Variants in PRKG1 observed in about 807,000 individuals in gnomAD.
The protein encoded by PRKG1 is protein kinase cGMP-dependent 1, also known as cGMP-dependent protein kinase 1.
PRKG1 carries 35 observed loss-of-function variants against 88.1 expected under a neutral mutation model. That is an observed-to-expected ratio of 0.40 (90% CI 0.30 to 0.53). The LOEUF (loss-of-function observed/expected upper bound fraction) is 0.53. PRKG1 is among the 20% of genes least tolerant of loss of function. PRKG1 has a pLI of 0.59. For missense variants in PRKG1, 540 were observed against 839.8 expected (o/e 0.64, Z 4.41); for synonymous variants, 303 against 292.5 (o/e 1.04, Z -0.37).
At chr10:51,980,598 T>C (rs577655232) in intron 5 of PRKG1, among the ~76,000 whole-genome samples, 48 of 152,302 alleles carry the variant, frequency 3.2e-4, no homozygotes, top group African/African-American at 1.1e-3. Context: ...TCTCCCATTG[T>C]TATTGTGTTG....
chr10:51,570,070 T>TGG (rs1837710951), intron 3 of PRKG1, among the ~76,000 whole-genome samples: 1 of 141,518 alleles, frequency 7.1e-6, no homozygotes, highest in African/African-American at 2.6e-5. Context: ...TATATATATG[T>TGG]GTGTGTGTGT....
At chr10:52,270,435 G>T (rs937402567) in intron 10 of PRKG1, among the ~76,000 whole-genome samples, 3 of 151,680 alleles carry the variant, frequency 2.0e-5, no homozygotes, top group Non-Finnish European at 2.9e-5. Flanking sequence ...GTTTATTGCG[G>T]CACTATTCAC....
chr10:51,135,446 T>C (rs1461671198), intron 1 of PRKG1, among the ~76,000 whole-genome samples: 1 of 152,168 alleles, frequency 6.6e-6, no homozygotes, highest in Non-Finnish European at 1.5e-5. Context: ...ATGATGGACT[T>C]ATTCAGGGGC....
chr10:52,164,488 T>G (rs1335693884), intron 9 of PRKG1, among the ~76,000 whole-genome samples: 1 of 152,182 alleles, frequency 6.6e-6, no homozygotes, highest in Non-Finnish European at 1.5e-5. Context: ...CAATTTTACT[T>G]GGACAAGAAG....
At chr10:51,458,500 A>G (rs1417037717) in intron 2 of PRKG1, among the ~76,000 whole-genome samples, 1 of 151,918 alleles carries the variant, frequency 6.6e-6, no homozygotes, top group Non-Finnish European at 1.5e-5. Flanking sequence ...TTATGCTAAT[A>G]TTAACAGAAA....
intron 2 of PRKG1, among the ~76,000 whole-genome samples, chr10:51,399,148 T>A (rs534969327): frequency 4.1e-4 from 63 of 151,912 alleles, no homozygotes; most frequent in African/African-American, 1.3e-3. Flanking sequence ...CATGTATAAA[T>A]AAGATACATA....
intron 5 of PRKG1, among the ~76,000 whole-genome samples, chr10:51,914,287 A>C (rs1204287061): frequency 1.8e-4 from 1 of 5,658 alleles, no homozygotes. Flanking sequence ...AGCAGCAAAT[A>C]AAAACTTTTT....
intron 5 of PRKG1, among the ~76,000 whole-genome samples, chr10:51,997,635 G>A (rs1228286114): frequency 2.0e-5 from 3 of 152,004 alleles, no homozygotes; most frequent in African/African-American, 4.8e-5. Flanking sequence ...TAGTTAGCTA[G>A]GTTTATTCAT....
chr10:51,251,408 G>A, intron 2 of PRKG1, among the ~76,000 whole-genome samples: 1 of 151,728 alleles, frequency 6.6e-6, no homozygotes, highest in East Asian at 1.9e-4. Flanking sequence ...CCACTTGGAA[G>A]GATATGTGTA....
At chr10:51,380,033 T>A (rs987666188) in intron 2 of PRKG1, among the ~76,000 whole-genome samples, 7 of 152,196 alleles carry the variant, frequency 4.6e-5, no homozygotes, top group Admixed American at 6.5e-5. Flanking sequence ...TGGCTCATTC[T>A]TCTCCACCAT....
At chr10:51,312,784 TC>T (rs1166415468) in intron 2 of PRKG1, among the ~76,000 whole-genome samples, 2 of 152,074 alleles carry the variant, frequency 1.3e-5, no homozygotes, top group African/African-American at 4.8e-5. Flanking sequence ...ATATACTATT[TC>T]CAGTCCCCAA....
chr10:51,389,214 C>T (rs1198876766), intron 2 of PRKG1, among the ~76,000 whole-genome samples: 1 of 152,038 alleles, frequency 6.6e-6, no homozygotes, highest in Non-Finnish European at 1.5e-5. Context: ...TTCTTATGAC[C>T]AATTTTCATA....
intron 1 of PRKG1, among the ~76,000 whole-genome samples, chr10:50,998,544 T>C (rs982286787): frequency 6.6e-6 from 1 of 152,182 alleles, no homozygotes; most frequent in African/African-American, 2.4e-5. Context: ...GGTCAGGAGT[T>C]TGAGGCCAGC....
intron 5 of PRKG1, among the ~76,000 whole-genome samples, chr10:52,036,311 T>C (rs916425532): frequency 6.6e-6 from 1 of 151,636 alleles, no homozygotes; most frequent in South Asian, 2.1e-4. Context: ...AGTATATGGG[T>C]TTGGCACTAC....
chr10:52,260,530 C>T (rs1589741432), intron 10 of PRKG1, among the ~76,000 whole-genome samples: 1 of 152,086 alleles, frequency 6.6e-6, no homozygotes, highest in Admixed American at 6.6e-5. Flanking sequence ...TATTCAACTT[C>T]ACCTACGTGG....
At chr10:52,166,823 ATATATGTATATATATG>A (rs1305317112) in intron 9 of PRKG1, among the ~76,000 whole-genome samples, 3,496 of 9,690 alleles carry the variant, frequency 0.36, 339 homozygotes, top group African/African-American at 0.42. Flanking sequence ...ATATATGTAT[ATATATGTATATATATG>A]TATATATATG....
chr10:52,177,242 C>CT (rs1838891140), intron 9 of PRKG1, among the ~76,000 whole-genome samples: 1 of 152,154 alleles, frequency 6.6e-6, no homozygotes, highest in African/African-American at 2.4e-5. Flanking sequence ...TTCTCACATG[C>CT]TTTTTCTGCA....
intron 5 of PRKG1, among the ~76,000 whole-genome samples, chr10:51,944,355 A>C (rs562828055): frequency 2.0e-5 from 3 of 151,390 alleles, no homozygotes; most frequent in African/African-American, 7.3e-5. Flanking sequence ...TTTCTTCTTT[A>C]TTAGTCTTGT....
chr10:51,535,894 T>A (rs895365832), intron 3 of PRKG1, among the ~76,000 whole-genome samples: 1 of 151,998 alleles, frequency 6.6e-6, no homozygotes, highest in African/African-American at 2.4e-5. Flanking sequence ...AGTTAAGTTT[T>A]GTATTTTTAG....
Sources: allele counts gnomAD v4.1 joint callset (sites outside exome capture counted in the v4.1 genomes callset), GRCh38; gene constraint gnomAD v4.1.1; transcripts MANE v1.5; gene names NCBI Gene and HGNC (gene_info 2026-07-23, HGNC 2026-07-21).